ZSWIM4: variants seen among roughly 807,000 people sequenced by gnomAD.
ZSWIM4 encodes zinc finger SWIM domain-containing protein 4.
Under a neutral mutation model 102.5 loss-of-function variants are expected in ZSWIM4, and 62 were observed. The observed-to-expected ratio is 0.60, with a 90% CI of 0.49 to 0.75. The LOEUF is 0.75. Among genes scored for constraint, ZSWIM4 ranks in the 30% least tolerant of loss-of-function variants. The pLI is 0.00. For synonymous variants in ZSWIM4, 652 were observed against 674.5 expected, an observed-to-expected ratio of 0.97 and a Z score of 0.52; for missense variants, 1,280 against 1,529.6, an observed-to-expected ratio of 0.84 and a Z score of 2.72.
intron 2 of ZSWIM4, among the ~76,000 whole-genome samples, chr19:13,803,804 C>T (rs1240025517): frequency 2.8e-5 from 1 of 36,140 alleles, no homozygotes; most frequent in Non-Finnish European, 4.3e-5. Context: ...GACTCTGTCT[C>T]AGAAAAAAAA....
intron 10 of ZSWIM4, among the ~76,000 whole-genome samples, chr19:13,820,059 G>A (rs1375616962): frequency 6.6e-6 from 1 of 151,874 alleles, no homozygotes; most frequent in Non-Finnish European, 1.5e-5. Context: ...GTTTCACCGT[G>A]TTAGTAATTT....
intron 10 of ZSWIM4, among the ~76,000 whole-genome samples, chr19:13,822,699 G>A (rs1002130973): frequency 6.6e-6 from 1 of 152,156 alleles, no homozygotes; most frequent in South Asian, 2.1e-4. Context: ...AAAAATTAGG[G>A]CCAGGAGCCA....
At position 13,830,117 on chromosome 19, in the gene ZSWIM4, T is replaced by C. The variant is rs1323810848; in HGVS notation, c.2462-74T>C. On this transcript the variant is annotated intron_variant, in intron 13 of 13. Coordinates refer to ENST00000590508, the MANE Select transcript of ZSWIM4 (RefSeq NM_001367834.3). ...GGTGGAAGTGGAGGTGGCAGTGTCA[T>C]GGTTAACCCACGCATACATGTACGT... is the stretch of plus-strand genomic sequence containing the variant. 1.2e-5 allele frequency: 18 copies of C among 1,540,088 alleles called. No individual in the cohort carries two copies. The Admixed American group carries it at 3.2e-4, about 27-fold the overall frequency.
chr19:13,802,311 G>A (rs915578716), intron 2 of ZSWIM4, among the ~76,000 whole-genome samples: 4 of 149,676 alleles, frequency 2.7e-5, no homozygotes, highest in African/African-American at 9.8e-5. Flanking sequence ...TCTCGGCCGG[G>A]CACAGTGGCT....
chr19:13,795,625 C>T lies in ZSWIM4; in HGVS notation c.-24C>T. 1 of 417,708 alleles carries T rather than the reference C, an allele frequency of 2.4e-6. No homozygotes were observed. The allele number at this position is 417,708 out of a possible 1,614,324, so 25.9% of individuals were successfully genotyped here. A position where few individuals can be genotyped will look rare whatever the true frequency, so the allele number is the denominator to read the frequency against. ...CGAGCCCCCCAAAGAGGCCCCGCCC[C>T]GGCCCTGGCCCCGGCCGGGCCGGAT... On this transcript the variant is annotated 5_prime_UTR_variant, in exon 1 of 14. Transcript: ENST00000590508.
intron 10 of ZSWIM4, among the ~76,000 whole-genome samples, chr19:13,820,156 C>T (rs1190555891): frequency 6.6e-6 from 1 of 152,174 alleles, no homozygotes; most frequent in Non-Finnish European, 1.5e-5. Context: ...CTTGGCCTCC[C>T]AAAGTGCTAG....
chr19:13,809,592 A>G lies in ZSWIM4; in HGVS notation c.1012+372A>G, dbSNP rs1975018878. Among the ~76,000 whole-genome samples the G allele has an allele frequency of 6.6e-6, 1 of 151,544 alleles. No individual in the cohort carries two copies. The highest frequency in any genetic ancestry group is 2.4e-5 in the African/African-American group (1 of 41,220). ...CTGCCTCCCGGACTCAAGTGATCCT[A>G]CACCTCAGCCTCCCAAGTAGCTGGG... On this transcript the variant is annotated intron_variant, in intron 5 of 13. Coordinates refer to ENST00000590508, the MANE Select transcript of ZSWIM4 (RefSeq NM_001367834.3). The surrounding 1 kb of genome is among the most constrained non-coding windows in gnomAD (Gnocchi z 4.2).
At chr19:13,811,176 G>A (rs1244766795) in intron 5 of ZSWIM4, among the ~76,000 whole-genome samples, 1 of 152,076 alleles carries the variant, frequency 6.6e-6, no homozygotes, top group Non-Finnish European at 1.5e-5. Flanking sequence ...GCCTCCCAAA[G>A]TGCTGGGATT....
chr19:13,799,274 C>G (rs34930059), intron 1 of ZSWIM4, among the ~76,000 whole-genome samples: 30 of 117,708 alleles, frequency 2.5e-4, no homozygotes, highest in South Asian at 8.1e-4. Flanking sequence ...ATTTTTTTAT[C>G]TTTTTTTTTT....
chr19:13,819,983 G>A (rs1003935301), intron 10 of ZSWIM4, among the ~76,000 whole-genome samples: 1 of 151,976 alleles, frequency 6.6e-6, no homozygotes, highest in Non-Finnish European at 1.5e-5. Flanking sequence ...AGCCTCCTGA[G>A]TAGCTGGGAC....
At chr19:13,804,405 G>A (rs2145270434) in intron 2 of ZSWIM4, among the ~76,000 whole-genome samples, 1 of 151,948 alleles carries the variant, frequency 6.6e-6, no homozygotes, top group East Asian at 2.0e-4. Flanking sequence ...GGGAGGTGGA[G>A]GTTGCGGTGA....
intron 9 of ZSWIM4, 75 bp from the exon 10 acceptor site, chr19:13,819,282 C>T: frequency 6.3e-7 from 1 of 1,578,574 alleles, no homozygotes; most frequent in South Asian, 1.2e-5. Flanking sequence ...TACTTAAAGC[C>T]TGGGGTCTAG....
chr19:13,801,973 A>ATTT (rs543183681), intron 2 of ZSWIM4, among the ~76,000 whole-genome samples: 2 of 94,202 alleles, frequency 2.1e-5, no homozygotes, highest in African/African-American at 4.5e-5. Context: ...CCAGCTTAGA[A>ATTT]TTTTTTTTTT....
chr19:13,825,629 G>A lies in ZSWIM4; in HGVS notation c.2295G>A (p.Ala765=), dbSNP rs202144110. The A allele has an allele frequency of 1.1e-4, 178 of 1,614,032 alleles. No individual in the cohort carries two copies. Among genetic ancestry groups the A allele is most frequent in the East Asian group, 1.3e-4 (6 of 44,878 alleles). The part of the protein sequence containing the change: ...IHSPALLFKL[A]QDACKTATPV... ...CTCCGGCCCTGCTCTTTAAGCTGGC[G>A]CAGGACGCCTGCAAGACAGCCACCC... The change falls in exon 12 of 14, where the codon GCG becomes GCA. Residue 765 remains alanine (A), a synonymous_variant. Coordinates refer to ENST00000590508, the MANE Select transcript of ZSWIM4 (RefSeq NM_001367834.3). This position sits in a 1 kb window ranked among gnomAD's most constrained non-coding sequence, Gnocchi z 4.6.
In ZSWIM4 at chr19:13,828,678, C is replaced by T. The variant is rs772188530; in HGVS notation, c.2413C>T (p.Arg805Trp). The T allele has an allele frequency of 3.7e-6, 6 of 1,613,920 alleles. No homozygotes were observed. Among genetic ancestry groups the T allele is most frequent in the Middle Eastern group, 1.6e-4 (1 of 6,084 alleles). The change falls in exon 13 of 14, where the codon CGG becomes TGG. Residue 805 changes from arginine to tryptophan, a missense_variant. By Grantham distance (101) the Arg-to-Trp change is moderately radical. Transcript: ENST00000590508. ...GATGACTCTGAACGTAATGACCTGG[C>T]GGCGGAGGGAGATGGTGCGCTGGCT... Reference protein sequence around the residue: ...MRMTLNVMTWRRREMVRWLVS... With the variant: ...MRMTLNVMTWWRREMVRWLVS...
At chr19:13,802,875 G>A (rs1974811740) in intron 2 of ZSWIM4, among the ~76,000 whole-genome samples, 1 of 152,166 alleles carries the variant, frequency 6.6e-6, no homozygotes, top group South Asian at 2.1e-4. Context: ...CACCATGCCT[G>A]GCCAAGTATC....
At chr19:13,824,949 C>G (rs1599614309) in intron 11 of ZSWIM4, among the ~76,000 whole-genome samples, 2 of 151,794 alleles carry the variant, frequency 1.3e-5, no homozygotes. Flanking sequence ...TAGTGGGTGG[C>G]AGGACCAGGA....
chr19:13,804,517 T>C (rs912549336), intron 2 of ZSWIM4, among the ~76,000 whole-genome samples: 2 of 150,794 alleles, frequency 1.3e-5, no homozygotes, highest in Non-Finnish European at 2.9e-5. Flanking sequence ...CATGGTGGTG[T>C]GTGCCTGTAA....
intron 12 of ZSWIM4, among the ~76,000 whole-genome samples, chr19:13,826,713 C>A (rs778451855): frequency 6.6e-6 from 1 of 151,892 alleles, no homozygotes; most frequent in Non-Finnish European, 1.5e-5. Context: ...TGCAGTGAGC[C>A]GAAATCACAC....
Sources: allele counts gnomAD v4.1 joint callset (sites outside exome capture counted in the v4.1 genomes callset), GRCh38; gene constraint gnomAD v4.1.1; non-coding constraint Gnocchi (gnomAD v3.1); transcripts MANE v1.5; gene names NCBI Gene and HGNC (gene_info 2026-07-23, HGNC 2026-07-21).